Variants in PLAG1 observed in about 807,000 individuals in gnomAD.
PLAG1 encodes zinc finger protein PLAG1.
A neutral mutation model predicts 35.5 loss-of-function variants in PLAG1; 7 were observed. That is an observed-to-expected ratio of 0.20 (90% CI 0.11 to 0.37). PLAG1 has a LOEUF of 0.37. Ranked by LOEUF, PLAG1 falls within the 10% of genes least tolerant of loss-of-function variation. The pLI, the probability that PLAG1 is intolerant of heterozygous loss-of-function variation, is 1.00. For synonymous variants in PLAG1, 229 were observed against 225.4 expected (o/e 1.02, Z -0.14); for missense variants, 454 against 602.8 (o/e 0.75, Z 2.58).
Position 56,166,426 on chromosome 8 carries a change from A to G in PLAG1, c.1320T>C (p.Leu440=). The G allele has an allele frequency of 6.2e-7, 1 of 1,613,158 alleles. No individual in the cohort carries two copies. Among genetic ancestry groups the G allele is most frequent in the Non-Finnish European group, 8.5e-7 (1 of 1,179,506 alleles). The change falls in exon 5 of 5, where the codon CTT becomes CTC. Residue 440 remains leucine, a synonymous_variant. Transcript: ENST00000316981. ...PPYNPLSVGS[L]GMSYSQEEAH... Reference sequence around the variant, plus strand: ...CTTCTTCCTGGGAATAGCTCATTCCAAGGCTCCCCACTGATAGAGGATTAT... The same window carrying G: ...CTTCTTCCTGGGAATAGCTCATTCCGAGGCTCCCCACTGATAGAGGATTAT...
At chr8:56,182,744 G>A (rs1339633870) in intron 1 of PLAG1, among the ~76,000 whole-genome samples, 1 of 152,114 alleles carries the variant, frequency 6.6e-6, no homozygotes, top group African/African-American at 2.4e-5. Context: ...CAAGGTAGGG[G>A]GAAACTCAAG....
At chr8:56,195,500 C>A (rs1464506350) in intron 1 of PLAG1, among the ~76,000 whole-genome samples, 1 of 152,222 alleles carries the variant, frequency 6.6e-6, no homozygotes, top group Non-Finnish European at 1.5e-5. Context: ...TGGAAGCTAA[C>A]CAGCCTTCTT....
chr8:56,168,301 C>T lies in PLAG1; in HGVS notation c.-32G>A. ...CTAAACCAGGCCTTCTTGTTGGACACTTGGGAACTGCCCAACTCCACTAAA... is the reference window on the plus strand; with the variant it reads ...CTAAACCAGGCCTTCTTGTTGGACATTTGGGAACTGCCCAACTCCACTAAA... On this transcript the variant is annotated 5_prime_UTR_variant, in exon 4 of 5. The change creates a new upstream start codon in the 5' untranslated region. Coordinates refer to ENST00000316981, the MANE Select transcript of PLAG1 (RefSeq NM_002655.3). 3.2e-6 allele frequency: 5 copies of T among 1,580,898 alleles called. No homozygotes were observed. The highest frequency in any genetic ancestry group is 4.3e-6 in the Non-Finnish European group (5 of 1,161,736).
intron 1 of PLAG1, among the ~76,000 whole-genome samples, chr8:56,202,989 C>T (rs539205876): frequency 6.6e-6 from 1 of 152,144 alleles, no homozygotes; most frequent in African/African-American, 2.4e-5. Flanking sequence ...GTATTAAATG[C>T]TTGATAATTA....
In PLAG1 at chr8:56,165,505, T is replaced by G. The variant is rs1317267376; in HGVS notation, c.*738A>C. ...TGAAAAGATAGCATGTTAAGAAGGA[T>G]GAAACACGACAAAATATCCTGTGTA... is the stretch of plus-strand genomic sequence containing the variant. On this transcript the variant is annotated 3_prime_UTR_variant, in exon 5 of 5. Coordinates refer to ENST00000316981, the MANE Select transcript of PLAG1 (RefSeq NM_002655.3). 1 of 209,570 alleles carries G rather than the reference T, an allele frequency of 4.8e-6. No individual in the cohort carries two copies. Among genetic ancestry groups the G allele is most frequent in the Non-Finnish European group, 9.7e-6 (1 of 102,996 alleles). 13.0% of individuals were successfully genotyped at this position (209,570 alleles called of 1,614,324 possible).
chr8:56,185,690 C>T (rs966989319), intron 1 of PLAG1, among the ~76,000 whole-genome samples: 2 of 152,176 alleles, frequency 1.3e-5, no homozygotes, highest in Non-Finnish European at 2.9e-5. Flanking sequence ...GAAGCCAGTT[C>T]GGTTCACCTG....
At chr8:56,205,710 G>A (rs1355414590) in intron 1 of PLAG1, among the ~76,000 whole-genome samples, 1 of 151,660 alleles carries the variant, frequency 6.6e-6, no homozygotes, top group Non-Finnish European at 1.5e-5. Flanking sequence ...ATTTTTAAAA[G>A]GCACCAAAAA....
intron 1 of PLAG1, among the ~76,000 whole-genome samples, chr8:56,204,237 A>T (rs1467079817): frequency 6.6e-6 from 1 of 151,950 alleles, no homozygotes; most frequent in Non-Finnish European, 1.5e-5. Context: ...GATAAAAATA[A>T]AACCTACTTA....
In PLAG1 at chr8:56,163,680, T is replaced by TACACACAC. The variant is rs968652365; in HGVS notation, c.*2555_*2562dup. ...AAGTATGTGTGTGTGTGTGTATATA[T>TACACACAC]ACACACACACACACACACATACACA... On this transcript the variant is annotated 3_prime_UTR_variant, in exon 5 of 5. Transcript: ENST00000316981. 1 of 176,728 alleles carries TACACACAC rather than the reference T, an allele frequency of 5.7e-6. No homozygotes were observed. Among genetic ancestry groups the TACACACAC allele is most frequent in the Non-Finnish European group, 1.2e-5 (1 of 83,452 alleles). 10.9% of individuals were successfully genotyped at this position (176,728 alleles called of 1,614,324 possible). A position where few individuals can be genotyped will look rare whatever the true frequency, so the allele number is the denominator to read the frequency against.
At chr8:56,184,587 A>G (rs912809513) in intron 1 of PLAG1, among the ~76,000 whole-genome samples, 3 of 152,192 alleles carry the variant, frequency 2.0e-5, no homozygotes, top group African/African-American at 7.2e-5. Flanking sequence ...CCGAAGGTCT[A>G]TCCTTGTGTG....
rs1052101764 is a variant in PLAG1, at chr8:56,162,406, C to T, written c.*3837G>A. On this transcript the variant is annotated 3_prime_UTR_variant, in exon 5 of 5. Coordinates refer to ENST00000316981, the MANE Select transcript of PLAG1 (RefSeq NM_002655.3). ...GTAAAACCTTATGAAAAGACACACA[C>T]TGATTCTGTGCAATATAGCAAATTG... is the stretch of plus-strand genomic sequence containing the variant. The T allele has an allele frequency of 3.6e-5, 8 of 222,852 alleles. No homozygotes were observed. Among genetic ancestry groups the T allele is most frequent in the African/African-American group, 1.8e-4 (8 of 44,762 alleles). The allele number at this position is 222,852 out of a possible 1,614,324, so 13.8% of individuals were successfully genotyped here.
intron 1 of PLAG1, among the ~76,000 whole-genome samples, chr8:56,184,905 C>A: frequency 6.6e-6 from 1 of 152,106 alleles, no homozygotes; most frequent in Non-Finnish European, 1.5e-5. Flanking sequence ...CAAGATCATG[C>A]CACTGCACTC....
intron 2 of PLAG1, among the ~76,000 whole-genome samples, chr8:56,174,379 T>G (rs1021193336): frequency 4.6e-5 from 7 of 152,208 alleles, no homozygotes; most frequent in African/African-American, 7.2e-5. Flanking sequence ...TAGAACATTT[T>G]TAAGAAATAA....
At chr8:56,201,045 G>A (rs1194974036) in intron 1 of PLAG1, among the ~76,000 whole-genome samples, 2 of 152,172 alleles carry the variant, frequency 1.3e-5, no homozygotes, top group Non-Finnish European at 2.9e-5. Flanking sequence ...CACAAAGGAA[G>A]AGAGAAATCC....
At chr8:56,171,256 A>T (rs1009401792) in intron 2 of PLAG1, 67 bp from the exon 3 acceptor site, 3 of 239,484 alleles carry the variant, frequency 1.3e-5, no homozygotes, top group African/African-American at 7.0e-5. Context: ...TGGAAAATAC[A>T]GGATAAAAGA....
At chr8:56,176,576 A>G (rs1811702631) in intron 2 of PLAG1, among the ~76,000 whole-genome samples, 1 of 152,236 alleles carries the variant, frequency 6.6e-6, no homozygotes, top group African/African-American at 2.4e-5. Context: ...GGAAGCAATG[A>G]TGCCTCAGAG....
Position 56,164,904 on chromosome 8 carries a change from G to GTATTTTAC in PLAG1, c.*1338_*1339insGTAAAATA, listed in dbSNP as rs1811309311. 2 of 210,184 alleles carry GTATTTTAC rather than the reference G, an allele frequency of 9.5e-6. No individual in the cohort carries two copies. Among genetic ancestry groups the GTATTTTAC allele is most frequent in the Admixed American group, 1.2e-4 (2 of 17,026 alleles). 13.0% of individuals were successfully genotyped at this position (210,184 alleles called of 1,614,324 possible). A position where few individuals can be genotyped will look rare whatever the true frequency, so the allele number is the denominator to read the frequency against. On this transcript the variant is annotated 3_prime_UTR_variant, in exon 5 of 5. Coordinates refer to ENST00000316981, the MANE Select transcript of PLAG1 (RefSeq NM_002655.3). ...TATCATTTCCCAGAGATGCATGAAAGTGGGATTTTACTGTATATATTTCTA... is the reference window on the plus strand; with the variant it reads ...TATCATTTCCCAGAGATGCATGAAAGTATTTTACTGGGATTTTACTGTATATATTTCTA...
At chr8:56,181,567 T>C (rs936960410) in intron 1 of PLAG1, among the ~76,000 whole-genome samples, 10 of 146,848 alleles carry the variant, frequency 6.8e-5, no homozygotes, top group Middle Eastern at 3.2e-3. Context: ...GGGCCTGTCA[T>C]TGGCAGGGGG....
chr8:56,181,924 G>C (rs752930578), intron 1 of PLAG1, among the ~76,000 whole-genome samples: 1 of 152,150 alleles, frequency 6.6e-6, no homozygotes, highest in Non-Finnish European at 1.5e-5. Context: ...AATTAAGAAA[G>C]ACAAAGAAAA....
Sources: allele counts gnomAD v4.1 joint callset (sites outside exome capture counted in the v4.1 genomes callset), GRCh38; gene constraint gnomAD v4.1.1; transcripts MANE v1.5; gene names NCBI Gene and HGNC (gene_info 2026-07-23, HGNC 2026-07-21).